LRRTM3: variants seen among roughly 807,000 people sequenced by gnomAD.
LRRTM3 encodes leucine rich repeat transmembrane neuronal 3.
Under a neutral mutation model 44.7 loss-of-function variants are expected in LRRTM3, and 24 were observed. The ratio of observed to expected loss-of-function variants is 0.54; its 90% CI spans 0.39 to 0.76. The LOEUF (loss-of-function observed/expected upper bound fraction) is 0.76. Among genes scored for constraint, LRRTM3 ranks in the 30% least tolerant of loss-of-function variants. The pLI, the probability that LRRTM3 is intolerant of heterozygous loss-of-function variation, is 0.00. For synonymous variants in LRRTM3, 277 were observed against 278.7 expected (o/e 0.99, Z 0.06); for missense variants, 587 against 702.2 (o/e 0.84, Z 1.85).
intron 2 of LRRTM3, among the ~76,000 whole-genome samples, chr10:66,942,548 GTCTCTC>G (rs67598003): frequency 0.062 from 9,136 of 147,816 alleles, 375 homozygotes; most frequent in East Asian, 0.2. Context: ...TTGCCATAAT[GTCTCTC>G]TCTCTCTCTC....
intron 2 of LRRTM3, among the ~76,000 whole-genome samples, chr10:67,072,677 GC>G (rs1208843527): frequency 2.6e-5 from 4 of 152,130 alleles, no homozygotes; most frequent in African/African-American, 9.7e-5. Flanking sequence ...TTGATTGAAA[GC>G]CTGGTATATC....
At chr10:66,958,721 C>T (rs1482339912) in intron 2 of LRRTM3, among the ~76,000 whole-genome samples, 1 of 152,134 alleles carries the variant, frequency 6.6e-6, no homozygotes, top group African/African-American at 2.4e-5. Flanking sequence ...CAAAGGAACA[C>T]TCACTATCCT....
chr10:67,039,772 C>T (rs762937893), intron 2 of LRRTM3, among the ~76,000 whole-genome samples: 1 of 152,120 alleles, frequency 6.6e-6, no homozygotes, highest in Non-Finnish European at 1.5e-5. Flanking sequence ...GATCTACTTG[C>T]TTAGTCCACT....
chr10:66,962,688 G>T (rs1168237205), intron 2 of LRRTM3, among the ~76,000 whole-genome samples: 1 of 152,058 alleles, frequency 6.6e-6, no homozygotes, highest in African/African-American at 2.4e-5. Context: ...TGGGATTACA[G>T]GCGTGAGCCA....
chr10:66,998,549 T>G (rs1320037027), intron 2 of LRRTM3, among the ~76,000 whole-genome samples: 1 of 151,632 alleles, frequency 6.6e-6, no homozygotes, highest in Non-Finnish European at 1.5e-5. Flanking sequence ...AATAAAAAGA[T>G]GAAGAATGAC....
chr10:67,074,671 A>T (rs954936554), intron 2 of LRRTM3, among the ~76,000 whole-genome samples: 1 of 152,128 alleles, frequency 6.6e-6, no homozygotes, highest in Non-Finnish European at 1.5e-5. Flanking sequence ...TTTTCATACA[A>T]ATTTATCTAG....
At chr10:67,057,682 G>T (rs1052635980) in intron 2 of LRRTM3, among the ~76,000 whole-genome samples, 1 of 152,122 alleles carries the variant, frequency 6.6e-6, no homozygotes, top group African/African-American at 2.4e-5. Flanking sequence ...TTGTAAGTTT[G>T]CTGAACTGGG....
intron 2 of LRRTM3, among the ~76,000 whole-genome samples, chr10:67,012,624 C>T (rs758587577): frequency 6.6e-6 from 1 of 152,072 alleles, no homozygotes; most frequent in Admixed American, 6.6e-5. Flanking sequence ...AAAATTATCA[C>T]AATTTATACC....
intron 2 of LRRTM3, among the ~76,000 whole-genome samples, chr10:66,996,666 A>AAAAAAAAAAAAAAAAC (rs1277189856): frequency 6.6e-6 from 1 of 150,918 alleles, no homozygotes; most frequent in African/African-American, 2.4e-5. Context: ...AAAAAAAAAA[A>AAAAAAAAAAAAAAAAC]AAAAAGCATG....
At chr10:66,987,940 A>T (rs1850824778) in intron 2 of LRRTM3, among the ~76,000 whole-genome samples, 1 of 152,192 alleles carries the variant, frequency 6.6e-6, no homozygotes, top group Non-Finnish European at 1.5e-5. Context: ...ATGATCTTTT[A>T]AAAACATTTC....
chr10:66,987,360 T>C (rs1195392835), intron 2 of LRRTM3, among the ~76,000 whole-genome samples: 1 of 152,180 alleles, frequency 6.6e-6, no homozygotes, highest in Non-Finnish European at 1.5e-5. Context: ...GTGATCATAG[T>C]CTGTGGACTT....
chr10:66,927,443 T>C lies in LRRTM3; in HGVS notation c.527T>C (p.Ile176Thr). Residue 176 changes from isoleucine to threonine, a missense_variant, in exon 2 of 3, where the codon ATA becomes ACA. Physicochemically the swap from Ile to Thr is moderately conservative, Grantham distance 89 (BLOSUM62 -1). Coordinates refer to ENST00000361320, the MANE Select transcript of LRRTM3 (RefSeq NM_178011.5). This position sits in a 1 kb window ranked among gnomAD's most constrained non-coding sequence, Gnocchi z 4.7. Reference sequence around the variant, plus strand: ...TCCCTGAGAACCATCCCTGTGCGAATATTCCAAGACTGCCGCAACCTGGAA... The same window carrying C: ...TCCCTGAGAACCATCCCTGTGCGAACATTCCAAGACTGCCGCAACCTGGAA... Reference protein sequence around the residue: ...SNSLRTIPVRIFQDCRNLELL... With the variant: ...SNSLRTIPVRTFQDCRNLELL... 1 of 1,614,150 alleles carries C rather than the reference T, an allele frequency of 6.2e-7. No individual in the cohort carries two copies. The highest frequency in any genetic ancestry group is 8.5e-7 in the Non-Finnish European group (1 of 1,180,030).
intron 2 of LRRTM3, among the ~76,000 whole-genome samples, chr10:67,065,686 C>T (rs755247673): frequency 6.6e-5 from 10 of 151,952 alleles, no homozygotes; most frequent in South Asian, 2.1e-4. Context: ...GCATGAGCCA[C>T]GGGAAGAGAA....
intron 2 of LRRTM3, among the ~76,000 whole-genome samples, chr10:67,061,194 A>G (rs1446778030): frequency 6.6e-6 from 1 of 152,184 alleles, no homozygotes; most frequent in Non-Finnish European, 1.5e-5. Flanking sequence ...TACCTGGCAT[A>G]TTAATAACTA....
At chr10:66,961,199 TTA>T (rs991492030) in intron 2 of LRRTM3, among the ~76,000 whole-genome samples, 5 of 152,192 alleles carry the variant, frequency 3.3e-5, no homozygotes, top group African/African-American at 1.2e-4. Context: ...CTGTAGTCTA[TTA>T]TGACAATATT....
At chr10:66,926,884 T>G (rs756867339) in intron 1 of LRRTM3, 37 bp from the exon 2 acceptor site, 33 of 1,517,746 alleles carry the variant, frequency 2.2e-5, no homozygotes, top group Non-Finnish European at 2.5e-5. Flanking sequence ...AATTCTTTTT[T>G]GGGGGGATAA....
At chr10:67,014,688 G>T (rs1324378315) in intron 2 of LRRTM3, among the ~76,000 whole-genome samples, 2 of 151,862 alleles carry the variant, frequency 1.3e-5, no homozygotes, top group African/African-American at 4.8e-5. Context: ...TCATTGAGAT[G>T]ATATATGTCC....
At chr10:67,096,009 G>A (rs1857968738) in intron 2 of LRRTM3, among the ~76,000 whole-genome samples, 1 of 151,654 alleles carries the variant, frequency 6.6e-6, no homozygotes, top group Non-Finnish European at 1.5e-5. Flanking sequence ...TTTAAAGTAT[G>A]TGATATCTTT....
chr10:66,927,424 A>G lies in LRRTM3; in HGVS notation c.508A>G (p.Arg170Gly). ...LSLHLRSNSL[R>G]TIPVRIFQDC... The stretch of plus-strand genomic sequence containing the variant: ...TTTACATTTACGGTCTAACTCCCTG[A>G]GAACCATCCCTGTGCGAATATTCCA... Residue 170 changes from arginine (R) to glycine (G), a missense_variant, in exon 2 of 3, where the codon AGA becomes GGA. This residue lies in a region of LRRTM3 where 222 missense variants were observed against 323.3 expected (regional missense o/e 0.69). Transcript: ENST00000361320. The surrounding 1 kb of genome is among the most constrained non-coding windows in gnomAD (Gnocchi z 4.7). The G allele has an allele frequency of 6.2e-7, 1 of 1,614,134 alleles. No individual in the cohort carries two copies. Among genetic ancestry groups the G allele is most frequent in the Non-Finnish European group, 8.5e-7 (1 of 1,180,032 alleles).
Sources: gnomAD v4.1 joint callset for allele counts (sites outside exome capture counted in the v4.1 genomes callset) on GRCh38, gnomAD v4.1.1 for gene constraint, gnomAD v4.1.1 regional missense constraint, Gnocchi (gnomAD v3.1) non-coding constraint, MANE v1.5 for transcripts, NCBI Gene and HGNC (gene_info 2026-07-23, HGNC 2026-07-21) for gene names.